ATAD3C: variants seen among roughly 807,000 people sequenced by gnomAD.
The protein encoded by ATAD3C is ATPase family AAA domain containing 3C.
Under a neutral mutation model 46.3 loss-of-function variants are expected in ATAD3C, and 38 were observed. That is an observed-to-expected ratio of 0.82 (90% CI 0.63 to 1.08). The LOEUF (loss-of-function observed/expected upper bound fraction) is 1.08. Ranked by LOEUF, ATAD3C falls within the 50% of genes least tolerant of loss-of-function variation. ATAD3C has a pLI of 0.00. For missense variants in ATAD3C, 563 were observed against 572.7 expected (o/e 0.98, Z 0.17); for synonymous variants, 220 against 236.4 (o/e 0.93, Z 0.63).
chr1:1,458,826 G>A (rs1313869067), intron 8 of ATAD3C, among the ~76,000 whole-genome samples: 2 of 151,390 alleles, frequency 1.3e-5, no homozygotes, highest in African/African-American at 2.4e-5. Flanking sequence ...AGGTTTAAGT[G>A]ATTCTCGTGC....
chr1:1,458,508 G>C (rs984457506), intron 8 of ATAD3C, among the ~76,000 whole-genome samples: 1 of 151,422 alleles, frequency 6.6e-6, no homozygotes, highest in Non-Finnish European at 1.5e-5. Context: ...CCGAACTCCC[G>C]ACCTCAGGTG....
In ATAD3C at chr1:1,470,022, C is replaced by G. The variant is rs139715338; in HGVS notation, c.*1492C>G. On this transcript the variant is annotated 3_prime_UTR_variant, in exon 12 of 12. Transcript: ENST00000378785. ...TACTTTGTGAGATCCATCCCCTGCC[C>G]GCAAAACATTGTCCCTAACTCCACC... The G allele has an allele frequency of 6.6e-6, 1 of 151,916 alleles. No homozygotes were observed. Among genetic ancestry groups the G allele is most frequent in the East Asian group, 1.9e-4 (1 of 5,206 alleles). The allele number at this position is 151,916 out of a possible 1,614,324, so 9.4% of individuals were successfully genotyped here.
rs1272582999 is a variant in ATAD3C, at chr1:1,460,811, A to G, written c.874A>G (p.Ile292Val). The G allele has an allele frequency of 1.2e-6, 2 of 1,612,908 alleles. No homozygotes were observed. Among genetic ancestry groups the G allele is most frequent in the Non-Finnish European group, 1.7e-6 (2 of 1,179,426 alleles). Residue 292 changes from isoleucine to valine, a missense_variant, in exon 10 of 12, where the codon ATC (isoleucine) becomes GTC (valine). Physicochemically the swap from Ile to Val is conservative, Grantham distance 29. Coordinates refer to ENST00000378785, the MANE Select transcript of ATAD3C (RefSeq NM_001039211.3). ...GTTCGACTGGGCCATCAATGCCTGC[A>G]TCGACGTGATGGTCCACTTCGACCT... Reference protein sequence around the residue: ...EQFDWAINACIDVMVHFDLPG... With the variant: ...EQFDWAINACVDVMVHFDLPG...
At chr1:1,455,288 A>G (rs939911940) in intron 4 of ATAD3C, among the ~76,000 whole-genome samples, 172 bp from the exon 5 acceptor site, 6 of 150,662 alleles carry the variant, frequency 4.0e-5, no homozygotes, top group Non-Finnish European at 7.4e-5. Context: ...AATGCCCCCA[A>G]TCCCTGCAAC....
At position 1,462,791 on chromosome 1, in the gene ATAD3C, C is replaced by T. The variant is rs550261268; in HGVS notation, c.1089+83C>T. 3.9e-5 allele frequency: 57 copies of T among 1,454,546 alleles called. 1 individual carries two copies. The highest frequency in any genetic ancestry group is 5.0e-5 in the Non-Finnish European group (53 of 1,066,938). The allele number at this position is 1,454,546 out of a possible 1,614,324, so 90.1% of individuals were successfully genotyped here. A position where few individuals can be genotyped will look rare whatever the true frequency, so the allele number is the denominator to read the frequency against. ...TGGTTGCGCCAGGCCTGTCCCAGCACCGGTGTCACGTGGGAGCTTCTGTTG... is the reference window on the plus strand; with the variant it reads ...TGGTTGCGCCAGGCCTGTCCCAGCATCGGTGTCACGTGGGAGCTTCTGTTG... On this transcript the variant is annotated intron_variant, in intron 11 of 11. Coordinates refer to ENST00000378785, the MANE Select transcript of ATAD3C (RefSeq NM_001039211.3). The surrounding 1 kb of genome is among the most constrained non-coding windows in gnomAD (Gnocchi z 4.5).
intron 3 of ATAD3C, among the ~76,000 whole-genome samples, chr1:1,453,069 A>C (rs1485620223): frequency 6.6e-6 from 1 of 152,052 alleles, no homozygotes; most frequent in Admixed American, 6.6e-5. Flanking sequence ...CCGTGGTGCC[A>C]GCACCCAGAG....
Position 1,468,591 on chromosome 1 carries a change from G to A in ATAD3C, c.*61G>A. On this transcript the variant is annotated 3_prime_UTR_variant, in exon 12 of 12. Transcript: ENST00000378785. ...GCGGACCCCTCCCACCCCTGCCTTT[G>A]CGGCCCCGCACATTTAGGAAATACT... 1 of 1,562,426 alleles carries A rather than the reference G, an allele frequency of 6.4e-7. No homozygotes were observed. Among genetic ancestry groups the A allele is most frequent in the Non-Finnish European group, 8.6e-7 (1 of 1,162,302 alleles).
chr1:1,459,767 T>G lies in ATAD3C; in HGVS notation c.812+536T>G, dbSNP rs903212132. Among the ~76,000 whole-genome samples the G allele has an allele frequency of 2.9e-4, 44 of 152,086 alleles. No individual in the cohort carries two copies. The highest frequency in any genetic ancestry group is 1.4e-3 in the East Asian group (7 of 5,176). On this transcript the variant is annotated intron_variant, in intron 9 of 11. Coordinates refer to ENST00000378785, the MANE Select transcript of ATAD3C (RefSeq NM_001039211.3). The surrounding 1 kb of genome is among the most constrained non-coding windows in gnomAD (Gnocchi z 4.9). Reference sequence around the variant, plus strand: ...TGGCCTCTGTGGGCTGCCGCCCAGATGTCCCCCATAGGGTGACCGCCCCAT... The same window carrying G: ...TGGCCTCTGTGGGCTGCCGCCCAGAGGTCCCCCATAGGGTGACCGCCCCAT...
At position 1,469,097 on chromosome 1, in the gene ATAD3C, CCT is replaced by C. The variant is rs1491243456; in HGVS notation, c.*568_*569del. 7.4e-5 allele frequency: 5 copies of C among 67,426 alleles called. No homozygotes were observed. The highest frequency in any genetic ancestry group is 2.9e-4 in the African/African-American group (3 of 10,434). 4.2% of individuals were successfully genotyped at this position (67,426 alleles called of 1,614,324 possible). On this transcript the variant is annotated 3_prime_UTR_variant, in exon 12 of 12. Coordinates refer to ENST00000378785, the MANE Select transcript of ATAD3C (RefSeq NM_001039211.3). ...GCCAACATGGTGAAACTCCATCTCT[CCT>C]AAAAAAAAAAAAAAAAAAAAAAAAA...
intron 1 of ATAD3C, among the ~76,000 whole-genome samples, chr1:1,451,619 T>C (rs1638860295): frequency 6.6e-6 from 1 of 152,116 alleles, no homozygotes; most frequent in Non-Finnish European, 1.5e-5. Context: ...GTGCTGGGAT[T>C]ACAGGTGTGA....
rs1373906829 is a variant in ATAD3C, at chr1:1,467,730, C to A, written c.1090-654C>A. On this transcript the variant is annotated intron_variant, in intron 11 of 11. Transcript: ENST00000378785. ...CCCAGTGGGGGTCCCCACACCCTCA[C>A]CCTGACCCATGGGTGCCTCCCCTTG... Among the ~76,000 whole-genome samples, 3 of 152,104 alleles carry A rather than the reference C, an allele frequency of 2.0e-5. No homozygotes were observed. The East Asian group carries it at 5.8e-4, about 29-fold the overall frequency.
intron 11 of ATAD3C, among the ~76,000 whole-genome samples, chr1:1,468,027 A>G (rs1212748616): frequency 6.6e-6 from 1 of 151,762 alleles, no homozygotes; most frequent in Non-Finnish European, 1.5e-5. Flanking sequence ...GAGGTGCACT[A>G]TGACCCGGGG....
Position 1,462,511 on chromosome 1 carries a change from G to T in ATAD3C, c.981-89G>T. 1 of 1,323,280 alleles carries T rather than the reference G, an allele frequency of 7.6e-7. No individual in the cohort carries two copies. The highest frequency in any genetic ancestry group is 1.1e-6 in the Non-Finnish European group (1 of 944,086). 82.0% of individuals were successfully genotyped at this position (1,323,280 alleles called of 1,614,324 possible). Reference sequence around the variant, plus strand: ...CCTCTCAAGGGGGCATCTGGCATGGGTGTCCGCCTGGCTGCCTGTCTTCCG... The same window carrying T: ...CCTCTCAAGGGGGCATCTGGCATGGTTGTCCGCCTGGCTGCCTGTCTTCCG... On this transcript the variant is annotated intron_variant, in intron 10 of 11. Transcript: ENST00000378785. This position sits in a 1 kb window ranked among gnomAD's most constrained non-coding sequence, Gnocchi z 4.5.
intron 11 of ATAD3C, among the ~76,000 whole-genome samples, chr1:1,465,894 G>T (rs959885851): frequency 6.6e-6 from 1 of 151,930 alleles, no homozygotes; most frequent in African/African-American, 2.4e-5. Context: ...AGGAAAAGCT[G>T]CCAGTTTTTC....
rs1639080935 is a variant in ATAD3C at position 1,462,263 on chromosome 1, ACCT to A, written c.981-336_981-334del. Among the ~76,000 whole-genome samples, 3 of 151,916 alleles carry A rather than the reference ACCT, an allele frequency of 2.0e-5. No individual in the cohort carries two copies. The highest frequency in any genetic ancestry group is 2.9e-5 in the Non-Finnish European group (2 of 67,948). On this transcript the variant is annotated intron_variant, in intron 10 of 11. Coordinates refer to ENST00000378785, the MANE Select transcript of ATAD3C (RefSeq NM_001039211.3). This position sits in a 1 kb window ranked among gnomAD's most constrained non-coding sequence, Gnocchi z 4.5. ...GGCTGCTCGTAGCTCTGGCACCATG[ACCT>A]GGCTTCTGTGGCCTCCAGGCAGAAG...
Position 1,457,154 on chromosome 1 carries a change from G to A in ATAD3C, c.715G>A (p.Asp239Asn). The change falls in exon 8 of 12, where the codon GAC (aspartate) becomes AAC (asparagine). Residue 239 changes from aspartate to asparagine, a missense_variant. This residue lies in a region of ATAD3C where 273 missense variants were observed against 253.5 expected (regional missense o/e 1.08). Coordinates refer to ENST00000378785, the MANE Select transcript of ATAD3C (RefSeq NM_001039211.3). ...RGLLLFVDEA[D>N]AFLRKRATEK... is the part of the protein sequence containing the mutation. ...CCTCCTGCTCTTTGTGGATGAAGCG[G>A]ACGCCTTCCTTCGGAAGCGAGCCAC... The A allele has an allele frequency of 6.2e-7, 1 of 1,613,514 alleles. No homozygotes were observed.
Position 1,459,085 on chromosome 1 carries a change from G to A in ATAD3C, c.742-76G>A. 1.3e-6 allele frequency: 2 copies of A among 1,563,856 alleles called. No individual in the cohort carries two copies. Among genetic ancestry groups the A allele is most frequent in the Non-Finnish European group, 1.7e-6 (2 of 1,155,002 alleles). On this transcript the variant is annotated intron_variant, in intron 8 of 11. Transcript: ENST00000378785. The surrounding 1 kb of genome is among the most constrained non-coding windows in gnomAD (Gnocchi z 4.9). ...TGTCCCTGCTCCCTGCAGGAGGGAG[G>A]CCTGTGGGACTTTCTGCTGTGGCTG...
In ATAD3C at chr1:1,450,513, G is replaced by A. The variant is rs1570139703; in HGVS notation, c.-171G>A. ...CATCAGGCCGTGTGCTGGGGATGGG[G>A]CATCGTCACGCCAGGTCTGACTAGG... On this transcript the variant is annotated 5_prime_UTR_variant, in exon 1 of 12. Coordinates refer to ENST00000378785, the MANE Select transcript of ATAD3C (RefSeq NM_001039211.3). 3.7e-6 allele frequency: 3 copies of A among 806,524 alleles called. No individual in the cohort carries two copies. The highest frequency in any genetic ancestry group is 2.7e-5 in the East Asian group (1 of 36,934). 50.0% of individuals were successfully genotyped at this position (806,524 alleles called of 1,614,324 possible).
At chr1:1,460,459 G>C (rs899457937) in intron 9 of ATAD3C, among the ~76,000 whole-genome samples, 23 of 152,022 alleles carry the variant, frequency 1.5e-4, no homozygotes, top group South Asian at 4.2e-4. Flanking sequence ...TAGCAGGAGG[G>C]AGTGGTGTTC....
Sources: gnomAD v4.1 joint callset for allele counts (sites outside exome capture counted in the v4.1 genomes callset) on GRCh38, gnomAD v4.1.1 for gene constraint, gnomAD v4.1.1 regional missense constraint, Gnocchi (gnomAD v3.1) non-coding constraint, MANE v1.5 for transcripts, NCBI Gene and HGNC (gene_info 2026-07-23, HGNC 2026-07-21) for gene names.